The following POR variants were observed in gnomAD, a reference collection of about 807,000 sequenced individuals.
POR encodes NADPH--cytochrome P450 reductase.
A neutral mutation model predicts 84.0 loss-of-function variants in POR; 56 were observed. The observed-to-expected ratio is 0.67, with a 90% CI of 0.54 to 0.83. The LOEUF (loss-of-function observed/expected upper bound fraction) is 0.83, where lower values mean the gene tolerates loss of function less well. POR is among the 40% of genes least tolerant of loss of function. The probability of loss-of-function intolerance (pLI) is 0.00; values close to 1 mark genes in which losing one functional copy is unlikely to be tolerated. For missense variants in POR, 938 were observed against 944.3 expected, an observed-to-expected ratio of 0.99 and a Z score of 0.09; for synonymous variants, 414 against 400.5, an observed-to-expected ratio of 1.03 and a Z score of -0.40.
At chr7:75,946,209 T>C (rs1364666565) in intron 1 of POR, among the ~76,000 whole-genome samples, 1 of 152,106 alleles carries the variant, frequency 6.6e-6, no homozygotes, top group Non-Finnish European at 1.5e-5. Context: ...AGAGACCTAA[T>C]TTATAATAAA....
chr7:75,930,266 T>G (rs1360434634), intron 1 of POR, among the ~76,000 whole-genome samples: 1 of 152,050 alleles, frequency 6.6e-6, no homozygotes, highest in Non-Finnish European at 1.5e-5. Flanking sequence ...TTCTCTCTTC[T>G]GCAATTCTGA....
At chr7:75,936,746 C>G (rs1186042098) in intron 1 of POR, among the ~76,000 whole-genome samples, 1 of 151,954 alleles carries the variant, frequency 6.6e-6, no homozygotes, top group Non-Finnish European at 1.5e-5. Context: ...GAGGCAGAAG[C>G]CGACTTCAGA....
At chr7:75,970,369 A>G (rs41296536) in intron 2 of POR, among the ~76,000 whole-genome samples, 44,251 of 151,162 alleles carry the variant, frequency 0.29, 6,882 homozygotes, top group East Asian at 0.47. Context: ...GCAGTGAGCT[A>G]TGATCGCACC....
chr7:75,926,168 C>T (rs1807113979), intron 1 of POR, among the ~76,000 whole-genome samples: 1 of 143,574 alleles, frequency 7.0e-6, no homozygotes, highest in East Asian at 2.1e-4. Context: ...GCGAGTTTTT[C>T]TTTCTTTTTG....
Position 75,932,569 on chromosome 7 carries a change from AAC to A in POR, c.-5+17392_-5+17393del, listed in dbSNP as rs538076157. Among the ~76,000 whole-genome samples, 10 of 150,058 alleles carry A rather than the reference AAC, an allele frequency of 6.7e-5. No homozygotes were observed. The South Asian group carries it at 1.3e-3, about 19-fold the overall frequency. On this transcript the variant is annotated intron_variant, in intron 1 of 15. Coordinates refer to ENST00000461988, the MANE Select transcript of POR (RefSeq NM_000941.3). ...TCCTGTTTTTCATGACTTTTTTAAA[AAC>A]AGTTTTAATTTTTTTTTCTGTACTA... is the stretch of plus-strand genomic sequence containing the variant.
chr7:75,940,980 G>A lies in POR; in HGVS notation c.-4-13009G>A, dbSNP rs183155125. ...GTTTGAGACCAGCCTGGGCAACCAA[G>A]CGAGACCCCATCTCTACAGAAATAA... On this transcript the variant is annotated intron_variant, in intron 1 of 15. Transcript: ENST00000461988. Among the ~76,000 whole-genome samples, 587 of 152,216 alleles carry A rather than the reference G, an allele frequency of 3.9e-3. 4 individuals carry two copies. Among genetic ancestry groups the A allele is most frequent in the African/African-American group, 0.011 (474 of 41,544 alleles).
chr7:75,933,286 G>T (rs1554550358), intron 1 of POR, among the ~76,000 whole-genome samples: 1 of 150,454 alleles, frequency 6.6e-6, no homozygotes, highest in African/African-American at 2.4e-5. Flanking sequence ...TTTTTTTGTG[G>T]TGAGAACACT....
intron 3 of POR, among the ~76,000 whole-genome samples, chr7:75,976,417 T>A (rs1206393528): frequency 6.8e-6 from 1 of 146,270 alleles, no homozygotes; most frequent in Non-Finnish European, 1.5e-5. Flanking sequence ...CACTCCAGCC[T>A]GGCCAACAGA....
At chr7:75,930,486 TAAATA>T (rs577041294) in intron 1 of POR, among the ~76,000 whole-genome samples, 109 of 151,780 alleles carry the variant, frequency 7.2e-4, no homozygotes, top group South Asian at 4.6e-3. Flanking sequence ...TGTCTAAAAA[TAAATA>T]AAATAAAATA....
chr7:75,958,398 G>T (rs189582672), intron 2 of POR, among the ~76,000 whole-genome samples: 1 of 152,058 alleles, frequency 6.6e-6, no homozygotes, highest in Non-Finnish European at 1.5e-5. Flanking sequence ...GATTACAGGC[G>T]TGAGCCACCA....
intron 7 of POR, 178 bp downstream of exon 7, chr7:75,981,784 C>T: frequency 1.6e-6 from 1 of 612,082 alleles, no homozygotes; most frequent in Non-Finnish European, 2.8e-6. Context: ...CTCTGCACTG[C>T]CCTGGGGCAG....
chr7:75,980,603 C>G, intron 5 of POR, 115 bp downstream of exon 5: 5 of 1,600,698 alleles, frequency 3.1e-6, no homozygotes, highest in Non-Finnish European at 4.3e-6. Flanking sequence ...TCCTCAGCAG[C>G]CAGGGCAGGC....
chr7:75,930,618 G>A (rs531703963), intron 1 of POR, among the ~76,000 whole-genome samples: 2 of 152,280 alleles, frequency 1.3e-5, no homozygotes, highest in African/African-American at 2.4e-5. Flanking sequence ...CACCTCCCGG[G>A]TTCAAGTGAT....
chr7:75,928,392 T>C (rs1181695712), intron 1 of POR, among the ~76,000 whole-genome samples: 1 of 152,230 alleles, frequency 6.6e-6, no homozygotes, highest in Non-Finnish European at 1.5e-5. Context: ...AGCAGACGTA[T>C]GTTCACTGCG....
intron 7 of POR, chr7:75,981,831 G>C: frequency 1.7e-6 from 1 of 585,980 alleles, no homozygotes; most frequent in South Asian, 2.2e-5. Flanking sequence ...GACACATCGC[G>C]TCGGGCTCTG....
At chr7:75,936,078 CTTTCTTTCTTTTTT>C (rs1807663397) in intron 1 of POR, among the ~76,000 whole-genome samples, 1 of 138,212 alleles carries the variant, frequency 7.2e-6, no homozygotes, top group Non-Finnish European at 1.6e-5. Context: ...TTTACTGTTT[CTTTCTTTCTTTTTT>C]TTTTTTTTTT....
chr7:75,952,022 T>G, intron 1 of POR, among the ~76,000 whole-genome samples: 1 of 125,864 alleles, frequency 7.9e-6, no homozygotes, highest in African/African-American at 3.3e-5. Flanking sequence ...GGCTCCTCAC[T>G]GCCCAGTAGG....
chr7:75,986,572 G>A lies in POR; in HGVS notation c.*91G>A. On this transcript the variant is annotated 3_prime_UTR_variant, in exon 16 of 16. Coordinates refer to ENST00000461988, the MANE Select transcript of POR (RefSeq NM_000941.3). ...TAGTCTCCTGGGTGTGTTTGGCTTG[G>A]CCTTGGCATGGGCGCAGGCCCAGTG... 6.7e-7 allele frequency: 1 copy of A among 1,485,516 alleles called. No individual in the cohort carries two copies. Among genetic ancestry groups the A allele is most frequent in the Non-Finnish European group, 9.0e-7 (1 of 1,106,682 alleles). 92.0% of individuals were successfully genotyped at this position (1,485,516 alleles called of 1,614,324 possible). A position where few individuals can be genotyped will look rare whatever the true frequency, so the allele number is the denominator to read the frequency against.
At chr7:75,965,542 G>A (rs1287356048) in intron 2 of POR, among the ~76,000 whole-genome samples, 1 of 151,864 alleles carries the variant, frequency 6.6e-6, no homozygotes, top group Non-Finnish European at 1.5e-5. Flanking sequence ...GCACACAATA[G>A]CAGAGCCACT....
Sources: allele counts gnomAD v4.1 joint callset (sites outside exome capture counted in the v4.1 genomes callset), GRCh38; gene constraint gnomAD v4.1.1; transcripts MANE v1.5; gene names NCBI Gene and HGNC (gene_info 2026-07-23, HGNC 2026-07-21).